PTGIR: variants seen among roughly 807,000 people sequenced by gnomAD.
The protein encoded by PTGIR is prostaglandin I2 receptor, also known as prostacyclin receptor.
In PTGIR, 16 loss-of-function variants were observed where a neutral mutation model predicts 17.6. The observed-to-expected ratio is 0.91, with a 90% CI of 0.61 to 1.38. The LOEUF (loss-of-function observed/expected upper bound fraction) is 1.38, where lower values mean the gene tolerates loss of function less well. PTGIR is among the 40% of genes most tolerant of loss of function. PTGIR has a pLI of 0.00. For missense variants in PTGIR, 532 were observed against 548.6 expected (o/e 0.97, Z 0.30); for synonymous variants, 274 against 255.4 (o/e 1.07, Z -0.69).
chr19:46,615,988 G>A (rs967044159), downstream of PTGIR, among the ~76,000 whole-genome samples: 1 of 151,962 alleles, frequency 6.6e-6, no homozygotes, highest in Non-Finnish European at 1.5e-5. Context: ...TTTCTGTAGC[G>A]AAGAGGTTTC....
In PTGIR at chr19:46,623,652, C is replaced by G. The variant is rs2052759291; in HGVS notation, c.574G>C (p.Val192Leu). Residue 192 changes from valine to leucine, a missense_variant, in exon 2 of 3, where the codon GTG (valine) becomes CTG (leucine). Coordinates refer to ENST00000291294, the MANE Select transcript of PTGIR (RefSeq NM_000960.4). ...AAGATGGCAGCCACCAGCAGGGCCA[C>G]CAGGCCGGCGTAGGCCAGCGAGAAG... is the stretch of plus-strand genomic sequence containing the variant. ...AAFSLAYAGL[V>L]ALLVAAIFLC... The G allele has an allele frequency of 3.2e-6, 5 of 1,549,496 alleles. No homozygotes were observed. The highest frequency in any genetic ancestry group is 4.4e-6 in the Non-Finnish European group (5 of 1,148,846).
At chr19:46,617,436 G>A (rs999694801), downstream of PTGIR, among the ~76,000 whole-genome samples, 2 of 151,858 alleles carry the variant, frequency 1.3e-5, no homozygotes, top group Non-Finnish European at 1.5e-5. Flanking sequence ...GAGGTGGGGT[G>A]AGGGGAGGGG....
rs774591870 is a variant in PTGIR at position 46,622,016 on chromosome 19, G to T, written c.769-344C>A. ...GGCCCCCTGAAACTGCCGCAGAGCT[G>T]CGGTGGTGCCTGTGTGTATCTGTCC... On this transcript the variant is annotated intron_variant, in intron 2 of 2. Transcript: ENST00000291294. 3.8e-4 allele frequency: 376 copies of T among 985,482 alleles called. No homozygotes were observed. The Middle Eastern group carries it at 9.9e-3, about 26-fold the overall frequency. 61.0% of individuals were successfully genotyped at this position (985,482 alleles called of 1,614,324 possible). A position where few individuals can be genotyped will look rare whatever the true frequency, so the allele number is the denominator to read the frequency against.
In PTGIR at chr19:46,621,537, G is replaced by A. The variant is rs768558864; in HGVS notation, c.904C>T (p.Arg302Ter). The change falls in exon 3 of 3, where the codon CGA (arginine) becomes TGA (stop). Residue 302 changes from arginine to a stop codon, truncating the protein, a stop_gained. Coordinates refer to ENST00000291294, the MANE Select transcript of PTGIR (RefSeq NM_000960.4). LOFTEE classifies it low-confidence loss of function (END_TRUNC). The surrounding 1 kb of genome is among the most constrained non-coding windows in gnomAD (Gnocchi z 4.8). ...FILFRKAVFQ[R>*]LKLWVCCLCL... ...AGGCAGCAGACCCAGAGCTTGAGTC[G>A]CTGGAAGACAGCCTTGCGGAAAAGG... 23 of 1,614,054 alleles carry A rather than the reference G, an allele frequency of 1.4e-5. No homozygotes were observed. The highest frequency in any genetic ancestry group is 1.2e-4 in the Admixed American group (7 of 60,016).
At chr19:46,610,972 C>A in the PTGIR span, among the ~76,000 whole-genome samples, 1 of 152,184 alleles carries the variant, frequency 6.6e-6, no homozygotes, top group South Asian at 2.1e-4. Flanking sequence ...AGCTAGATCG[C>A]AGGGTCATCA....
the PTGIR span, among the ~76,000 whole-genome samples, chr19:46,614,708 C>G: frequency 6.6e-6 from 1 of 151,436 alleles, no homozygotes; most frequent in African/African-American, 2.4e-5. Flanking sequence ...GAAACCCCAT[C>G]TCTACTAAAA....
At position 46,620,563 on chromosome 19, in the gene PTGIR, C is replaced by A; in HGVS notation, c.*717G>T. On this transcript the variant is annotated 3_prime_UTR_variant, in exon 3 of 3. Transcript: ENST00000291294. ...TGGGGCAGTCCCTGGGATCCGCAGCCCCCACCCTTCATCTGCCAGCTTCTC... is the reference window on the plus strand; with the variant it reads ...TGGGGCAGTCCCTGGGATCCGCAGCACCCACCCTTCATCTGCCAGCTTCTC... 1 of 985,302 alleles carries A rather than the reference C, an allele frequency of 1.0e-6. No homozygotes were observed. Among genetic ancestry groups the A allele is most frequent in the Non-Finnish European group, 1.2e-6 (1 of 829,968 alleles). 61.0% of individuals were successfully genotyped at this position (985,302 alleles called of 1,614,324 possible). A position where few individuals can be genotyped will look rare whatever the true frequency, so the allele number is the denominator to read the frequency against.
chr19:46,611,200 A>G, the PTGIR span, among the ~76,000 whole-genome samples: 1 of 152,276 alleles, frequency 6.6e-6, no homozygotes, highest in African/African-American at 2.4e-5. Flanking sequence ...GGGGGACGAC[A>G]TGTATGGAAG....
chr19:46,620,450 A>T, downstream of PTGIR: 1 of 985,446 alleles, frequency 1.0e-6, no homozygotes, highest in African/African-American at 1.7e-5. Flanking sequence ...GAGGGCTCTA[A>T]GGACACATAA....
Position 46,620,728 on chromosome 19 carries a change from G to A in PTGIR, c.*552C>T, listed in dbSNP as rs904688198. 9.1e-6 allele frequency: 9 copies of A among 985,832 alleles called. No homozygotes were observed. The highest frequency in any genetic ancestry group is 9.4e-5 in the South Asian group (2 of 21,290). The allele number at this position is 985,832 out of a possible 1,614,324, so 61.1% of individuals were successfully genotyped here. On this transcript the variant is annotated 3_prime_UTR_variant, in exon 3 of 3. Transcript: ENST00000291294. ...AATGCAGCAGCCTCCCCTTCCTCCC[G>A]TTGCCCCTTTGGGATGCCAGGGCTC...
At chr19:46,610,946 C>CCA in the PTGIR span, among the ~76,000 whole-genome samples, 2 of 152,168 alleles carry the variant, frequency 1.3e-5, no homozygotes, top group African/African-American at 4.8e-5. Context: ...CGCCTCTGAA[C>CCA]CACAGTTCTG....
chr19:46,614,526 G>A, the PTGIR span: 845 of 700,682 alleles, frequency 1.2e-3, 6 homozygotes, highest in African/African-American at 0.015. Context: ...GACTAGGGCA[G>A]GCGCCTAGAG....
At chr19:46,616,810 C>G (rs147124332), downstream of PTGIR, among the ~76,000 whole-genome samples, 46 of 152,328 alleles carry the variant, frequency 3.0e-4, no homozygotes, top group East Asian at 8.5e-3. Flanking sequence ...CCAGGTCTAT[C>G]TCTATCACTG....
chr19:46,618,874 G>A (rs538626053), downstream of PTGIR, among the ~76,000 whole-genome samples: 12 of 152,244 alleles, frequency 7.9e-5, no homozygotes, highest in Middle Eastern at 3.4e-3. Flanking sequence ...GGCAGGGTGG[G>A]GGAAGTCAAA....
chr19:46,621,076 G>T lies in PTGIR; in HGVS notation c.*204C>A. 1 of 1,258,860 alleles carries T rather than the reference G, an allele frequency of 7.9e-7. No homozygotes were observed. The highest frequency in any genetic ancestry group is 3.5e-5 in the South Asian group (1 of 28,202). 78.0% of individuals were successfully genotyped at this position (1,258,860 alleles called of 1,614,324 possible). A position where few individuals can be genotyped will look rare whatever the true frequency, so the allele number is the denominator to read the frequency against. On this transcript the variant is annotated 3_prime_UTR_variant, in exon 3 of 3. Coordinates refer to ENST00000291294, the MANE Select transcript of PTGIR (RefSeq NM_000960.4). This position sits in a 1 kb window ranked among gnomAD's most constrained non-coding sequence, Gnocchi z 4.8. The stretch of plus-strand genomic sequence containing the variant: ...TTATTTTGAGAGAACCATTCTTTCT[G>T]CACTCCAGGATAAACGTTTCCTCTG...
At chr19:46,618,265 C>T (rs1246301548), downstream of PTGIR, among the ~76,000 whole-genome samples, 1 of 152,180 alleles carries the variant, frequency 6.6e-6, no homozygotes, top group African/African-American at 2.4e-5. Context: ...CCGCCCGCCT[C>T]GGCCTCCCAA....
chr19:46,612,602 A>T, the PTGIR span, among the ~76,000 whole-genome samples: 1 of 152,220 alleles, frequency 6.6e-6, no homozygotes, highest in Non-Finnish European at 1.5e-5. Context: ...AACCCTGAGG[A>T]GTCCAAGCCC....
chr19:46,621,911 C>G lies in PTGIR; in HGVS notation c.769-239G>C. The G allele has an allele frequency of 1.5e-6, 2 of 1,307,390 alleles. No homozygotes were observed. The highest frequency in any genetic ancestry group is 1.9e-6 in the Non-Finnish European group (2 of 1,029,814). 81.0% of individuals were successfully genotyped at this position (1,307,390 alleles called of 1,614,324 possible). On this transcript the variant is annotated intron_variant, in intron 2 of 2. Coordinates refer to ENST00000291294, the MANE Select transcript of PTGIR (RefSeq NM_000960.4). The surrounding 1 kb of genome is among the most constrained non-coding windows in gnomAD (Gnocchi z 4.8). Reference sequence around the variant, plus strand: ...GGGCCAGGTATGTGGGTCCCCCCACCCTTGGAAGCTGGGAGGACCCTCGGG... The same window carrying G: ...GGGCCAGGTATGTGGGTCCCCCCACGCTTGGAAGCTGGGAGGACCCTCGGG...
rs765611271 is a variant in PTGIR at position 46,623,526 on chromosome 19, C to T, written c.700G>A (p.Glu234Lys). The T allele has an allele frequency of 1.3e-6, 2 of 1,567,828 alleles. No homozygotes were observed. The highest frequency in any genetic ancestry group is 2.3e-5 in the East Asian group (1 of 42,694). ...GCCAGCAGGATCAGGTGGTCCACCT[C>T]GTCCTCTCCGGTGCGCGGCCGTGGA... ...LGPRPRTGED[E>K]VDHLILLALM... The change falls in exon 2 of 3, where the codon GAG becomes AAG. Residue 234 changes from glutamate to lysine, a missense_variant. Coordinates refer to ENST00000291294, the MANE Select transcript of PTGIR (RefSeq NM_000960.4).
Sources: gnomAD v4.1 joint callset for allele counts (sites outside exome capture counted in the v4.1 genomes callset) on GRCh38, gnomAD v4.1.1 for gene constraint, Gnocchi (gnomAD v3.1) non-coding constraint, MANE v1.5 for transcripts, NCBI Gene and HGNC (gene_info 2026-07-23, HGNC 2026-07-21) for gene names.